The following ARMC8 variants were observed in gnomAD, a reference collection of about 807,000 sequenced individuals.
ARMC8 encodes the protein armadillo repeat-containing protein 8.
In ARMC8, 20 loss-of-function variants were observed where a neutral mutation model predicts 99.3. The ratio of observed to expected loss-of-function variants is 0.20; its 90% CI spans 0.14 to 0.29. The LOEUF (loss-of-function observed/expected upper bound fraction) is 0.29, where lower values mean the gene tolerates loss of function less well. ARMC8 is among the 10% of genes least tolerant of loss of function. The pLI is 1.00. For synonymous variants in ARMC8, 263 were observed against 278.3 expected (o/e 0.95, Z 0.55); for missense variants, 569 against 809.5 (o/e 0.70, Z 3.60).
chr3:138,248,686 G>A (rs560760499), intron 12 of ARMC8, among the ~76,000 whole-genome samples: 1 of 152,118 alleles, frequency 6.6e-6, no homozygotes, highest in Non-Finnish European at 1.5e-5. Context: ...AGGACCTGTC[G>A]ATCACCAGTT....
intron 16 of ARMC8, among the ~76,000 whole-genome samples, chr3:138,272,116 C>T (rs371503266): frequency 1.3e-5 from 2 of 152,140 alleles, no homozygotes; most frequent in Admixed American, 6.5e-5. Flanking sequence ...ACTAGCCACC[C>T]GGGATTACTG....
chr3:138,263,555 G>A (rs2047964473), intron 12 of ARMC8, 184 bp from the exon 13 acceptor site: 1 of 611,834 alleles, frequency 1.6e-6, no homozygotes, highest in Non-Finnish European at 2.9e-6. Flanking sequence ...CAGGTCCTTA[G>A]TGGGCTAGAC....
chr3:138,267,006 C>T (rs1319539165), intron 14 of ARMC8, 149 bp from the exon 15 acceptor site: 11 of 484,078 alleles, frequency 2.3e-5, no homozygotes, highest in Non-Finnish European at 3.9e-5. Flanking sequence ...AAGTTTGACA[C>T]AGTATCAAGT....
intron 5 of ARMC8, among the ~76,000 whole-genome samples, chr3:138,225,291 A>G (rs2045629814): frequency 6.6e-6 from 1 of 151,998 alleles, no homozygotes; most frequent in South Asian, 2.1e-4. Flanking sequence ...TTGTGGTTTT[A>G]GTAGAGACGG....
chr3:138,264,084 TAA>T (rs1397821271), intron 13 of ARMC8, 45 bp from the exon 14 acceptor site: 1 of 1,549,270 alleles, frequency 6.5e-7, no homozygotes. Context: ...GTTTGAAAAG[TAA>T]AAGTTTTGAT....
At chr3:138,187,298 C>T (rs1576543928), upstream of ARMC8, 1 of 431,572 alleles carries the variant, frequency 2.3e-6, no homozygotes, top group East Asian at 3.5e-5. Flanking sequence ...GAAACCGCTG[C>T]CCGCTTCCAC....
At chr3:138,237,771 A>G (rs1404849412) in intron 9 of ARMC8, among the ~76,000 whole-genome samples, 199 bp downstream of exon 9, 1 of 152,216 alleles carries the variant, frequency 6.6e-6, no homozygotes, top group East Asian at 1.9e-4. Context: ...TATGCAGAAC[A>G]GGAACTCTCG....
intron 21 of ARMC8, among the ~76,000 whole-genome samples, chr3:138,295,324 T>G (rs1320509319): frequency 2.0e-5 from 3 of 152,222 alleles, no homozygotes; most frequent in East Asian, 1.9e-4. Flanking sequence ...AATTGTAGCC[T>G]TCTTCCACGG....
At chr3:138,250,290 G>C (rs560365806) in intron 12 of ARMC8, among the ~76,000 whole-genome samples, 13 of 151,946 alleles carry the variant, frequency 8.6e-5, no homozygotes, top group Admixed American at 8.5e-4. Context: ...ATAAATGGAA[G>C]CATTTATTAG....
intron 1 of ARMC8, among the ~76,000 whole-genome samples, chr3:138,205,282 C>T (rs1047316903): frequency 1.3e-5 from 2 of 151,714 alleles, no homozygotes; most frequent in African/African-American, 4.8e-5. Flanking sequence ...ATCTCCTGAC[C>T]TCGTGATCTG....
chr3:138,286,721 A>G (rs949599301), intron 19 of ARMC8, among the ~76,000 whole-genome samples: 1 of 151,906 alleles, frequency 6.6e-6, no homozygotes. Context: ...TCTTACGTAC[A>G]GACAGAGTTG....
intron 19 of ARMC8, chr3:138,287,507 G>T: frequency 2.9e-6 from 1 of 348,760 alleles, no homozygotes. Flanking sequence ...AATATTGAAT[G>T]ATGAATAAAC....
chr3:138,223,575 G>GT (rs1422867026), intron 4 of ARMC8, 44 bp downstream of exon 4: 1 of 1,614,040 alleles, frequency 6.2e-7, no homozygotes, highest in Admixed American at 1.7e-5. Context: ...TTAAGAATCA[G>GT]TTTGCAGTGC....
intron 11 of ARMC8, among the ~76,000 whole-genome samples, chr3:138,243,992 G>T (rs1331557845): frequency 6.6e-6 from 1 of 152,082 alleles, no homozygotes; most frequent in Non-Finnish European, 1.5e-5. Flanking sequence ...ATAGTTACTT[G>T]GTCATAGTCA....
chr3:138,268,982 T>C (rs1266753504), intron 15 of ARMC8, among the ~76,000 whole-genome samples: 1 of 152,180 alleles, frequency 6.6e-6, no homozygotes, highest in African/African-American at 2.4e-5. Flanking sequence ...TTAGGAAATA[T>C]ACATTGAAAT....
intron 2 of ARMC8, among the ~76,000 whole-genome samples, chr3:138,210,435 G>T (rs761819779): frequency 6.6e-5 from 10 of 152,226 alleles, no homozygotes; most frequent in East Asian, 1.9e-4. Flanking sequence ...CATACCAGAG[G>T]TAATTATGCT....
intron 12 of ARMC8, 74 bp from the exon 13 acceptor site, chr3:138,263,665 A>G (rs1361382603): frequency 4.0e-6 from 5 of 1,241,894 alleles, no homozygotes; most frequent in African/African-American, 3.0e-5. Context: ...GGATGTTAAC[A>G]TACTTGCATT....
intron 1 of ARMC8, among the ~76,000 whole-genome samples, chr3:138,190,390 G>A (rs551468169): frequency 2.0e-5 from 3 of 150,060 alleles, no homozygotes; most frequent in South Asian, 2.1e-4. Context: ...GGGTTCAAGC[G>A]ATTCTCCTGC....
chr3:138,242,686 G>A (rs754019985), intron 11 of ARMC8, among the ~76,000 whole-genome samples: 2 of 152,168 alleles, frequency 1.3e-5, no homozygotes, highest in Non-Finnish European at 2.9e-5. Context: ...TTAGTAGCCA[G>A]TACTGTTTCA....
Sources: gnomAD v4.1 joint callset for allele counts (sites outside exome capture counted in the v4.1 genomes callset) on GRCh38, gnomAD v4.1.1 for gene constraint, MANE v1.5 for transcripts, NCBI Gene and HGNC (gene_info 2026-07-23, HGNC 2026-07-21) for gene names.